The following IFT52 variants were observed in gnomAD, a reference collection of about 807,000 sequenced individuals.
IFT52 encodes the protein intraflagellar transport protein 52 homolog.
In IFT52, 44 loss-of-function variants were observed where a neutral mutation model predicts 54.4. The ratio of observed to expected loss-of-function variants is 0.81; its 90% CI spans 0.63 to 1.04. The LOEUF is 1.04. Among genes scored for constraint, IFT52 ranks in the 50% least tolerant of loss-of-function variants. The pLI is 0.00. For synonymous variants in IFT52, 181 were observed against 185.3 expected (o/e 0.98, Z 0.19); for missense variants, 452 against 523.6 (o/e 0.86, Z 1.33).
intron 2 of IFT52, among the ~76,000 whole-genome samples, chr20:43,595,191 G>A (rs534271776): frequency 1.1e-4 from 16 of 151,972 alleles, no homozygotes; most frequent in African/African-American, 3.4e-4. Flanking sequence ...GGTGGTGGGC[G>A]CCTGTAATCC....
chr20:43,594,506 G>A (rs1277141781), intron 1 of IFT52, among the ~76,000 whole-genome samples, 187 bp from the exon 2 acceptor site: 1 of 152,034 alleles, frequency 6.6e-6, no homozygotes, highest in Non-Finnish European at 1.5e-5. Flanking sequence ...GTTGGTTTTG[G>A]TCTTAGGTTT....
chr20:43,642,413 C>A, intron 12 of IFT52, 66 bp from the exon 13 acceptor site: 2 of 1,467,558 alleles, frequency 1.4e-6, no homozygotes, highest in Admixed American at 1.8e-5. Flanking sequence ...CTGAAACACA[C>A]TAAGTCTGTA....
At chr20:43,609,775 C>CAAAAAAA (rs57268776) in intron 6 of IFT52, among the ~76,000 whole-genome samples, 2 of 47,198 alleles carry the variant, frequency 4.2e-5, no homozygotes, top group East Asian at 5.4e-4. Context: ...AACTCCGTCT[C>CAAAAAAA]AAAAAAAAAA....
chr20:43,627,055 T>A (rs1254880908), intron 10 of IFT52, among the ~76,000 whole-genome samples: 2 of 151,856 alleles, frequency 1.3e-5, no homozygotes, highest in East Asian at 3.9e-4. Flanking sequence ...TAGTCCCAGC[T>A]ACTCGGGAGG....
At chr20:43,623,507 G>C (rs8119703) in intron 9 of IFT52, among the ~76,000 whole-genome samples, 1,803 of 152,286 alleles carry the variant, frequency 0.012, 16 homozygotes, top group South Asian at 0.031. Context: ...TGGCTGAACT[G>C]ACAAAAGGGA....
intron 7 of IFT52, chr20:43,618,260 G>A (rs1270244193): frequency 6.7e-6 from 1 of 150,134 alleles, no homozygotes; most frequent in Non-Finnish European, 1.5e-5. Context: ...TTCCCAGGCT[G>A]GAGTGCATGG....
At chr20:43,625,292 C>T (rs1294067260) in intron 10 of IFT52, among the ~76,000 whole-genome samples, 3 of 151,960 alleles carry the variant, frequency 2.0e-5, no homozygotes, top group Non-Finnish European at 4.4e-5. Flanking sequence ...GGGAAGATCG[C>T]GAGGTCAGGC....
At chr20:43,599,512 T>C (rs1400960517) in intron 3 of IFT52, among the ~76,000 whole-genome samples, 1 of 151,918 alleles carries the variant, frequency 6.6e-6, no homozygotes, top group Non-Finnish European at 1.5e-5. Context: ...AGAGTTGGAG[T>C]GAGGTGGGAA....
chr20:43,605,894 G>A (rs1428201732), intron 6 of IFT52, among the ~76,000 whole-genome samples: 1 of 152,144 alleles, frequency 6.6e-6, no homozygotes, highest in African/African-American at 2.4e-5. Flanking sequence ...TCTAGAGCCT[G>A]CACTCTTAAC....
chr20:43,641,165 G>A (rs1336161653), intron 12 of IFT52, among the ~76,000 whole-genome samples: 1 of 151,984 alleles, frequency 6.6e-6, no homozygotes, highest in African/African-American at 2.4e-5. Flanking sequence ...GGAATTATGG[G>A]TGATTTTTTT....
chr20:43,594,796 G>GAAGTT lies in IFT52; in HGVS notation c.98_99insAAGTT (p.Asn35Ter). ...TACAAATCCATGCAGAAAAAACTTC[G>GAAGTT]GAGTAATTGGAAGATTCAGAGGTGA... On this transcript the variant is annotated frameshift_variant, in exon 2 of 14. Coordinates refer to ENST00000373030, the MANE Select transcript of IFT52 (RefSeq NM_016004.5). LOFTEE classifies it high-confidence loss of function. 3.2e-6 allele frequency: 5 copies of GAAGTT among 1,585,434 alleles called. No homozygotes were observed. Among genetic ancestry groups the GAAGTT allele is most frequent in the Non-Finnish European group, 4.3e-6 (5 of 1,153,956 alleles).
intron 8 of IFT52, among the ~76,000 whole-genome samples, chr20:43,619,861 A>G (rs1459262504): frequency 6.7e-6 from 1 of 149,628 alleles, no homozygotes; most frequent in South Asian, 2.1e-4. Flanking sequence ...TGGAATTTAC[A>G]TGAAGTTTCA....
At chr20:43,604,066 A>T in intron 4 of IFT52, 117 bp from the exon 5 acceptor site, 1 of 984,052 alleles carries the variant, frequency 1.0e-6, no homozygotes, top group Non-Finnish European at 1.6e-6. Flanking sequence ...CCATTTATAA[A>T]GCGAGATGGA....
chr20:43,635,284 G>A (rs1469412213), intron 10 of IFT52, among the ~76,000 whole-genome samples: 1 of 152,050 alleles, frequency 6.6e-6, no homozygotes. Context: ...CTTGGCAAAG[G>A]ACATGATCTC....
At chr20:43,598,783 C>T (rs1982200318) in intron 3 of IFT52, among the ~76,000 whole-genome samples, 2 of 151,976 alleles carry the variant, frequency 1.3e-5, no homozygotes, top group Admixed American at 6.6e-5. Flanking sequence ...TGTTTTTTCA[C>T]AGTCAATAAA....
intron 10 of IFT52, among the ~76,000 whole-genome samples, chr20:43,626,453 C>T (rs866022478): frequency 6.1e-4 from 92 of 151,966 alleles, no homozygotes; most frequent in African/African-American, 1.9e-3. Flanking sequence ...ACCATGTTGG[C>T]CAGGCTGGTC....
At chr20:43,591,824 GC>G (rs1981545694) in intron 1 of IFT52, among the ~76,000 whole-genome samples, 1 of 152,042 alleles carries the variant, frequency 6.6e-6, no homozygotes, top group Non-Finnish European at 1.5e-5. Flanking sequence ...GATCCCTTGA[GC>G]CCAGGAGTCA....
Position 43,642,495 on chromosome 20 carries a change from G to A in IFT52, c.1137G>A (p.Leu379=), listed in dbSNP as rs1985979321. ...QITNKCTEED[L]EFYVRKCGDI... ...CTGTCTTAGGTACTGAAGAAGACCT[G>A]GAATTTTATGTCAGGAAGTGTGGTG... is the stretch of plus-strand genomic sequence containing the variant. Residue 379 remains leucine, a synonymous_variant, in exon 13 of 14, where the codon CTG becomes CTA. Transcript: ENST00000373030. The A allele has an allele frequency of 1.2e-6, 2 of 1,614,072 alleles. No homozygotes were observed.
At chr20:43,604,914 C>G in intron 5 of IFT52, 88 bp from the exon 6 acceptor site, 1 of 1,374,434 alleles carries the variant, frequency 7.3e-7, no homozygotes, top group Non-Finnish European at 1.0e-6. Context: ...ATCCTCCCAC[C>G]TTAGCCTCAT....
Sources: allele counts gnomAD v4.1 joint callset (sites outside exome capture counted in the v4.1 genomes callset), GRCh38; gene constraint gnomAD v4.1.1; transcripts MANE v1.5; gene names NCBI Gene and HGNC (gene_info 2026-07-23, HGNC 2026-07-21).